MEIS2: variants seen among roughly 807,000 people sequenced by gnomAD.
MEIS2 encodes the protein homeobox protein Meis2.
In MEIS2, 9 loss-of-function variants were observed where a neutral mutation model predicts 58.6. That is an observed-to-expected ratio of 0.15 (90% CI 0.09 to 0.27). The LOEUF (loss-of-function observed/expected upper bound fraction) is 0.27, where lower values mean the gene tolerates loss of function less well. Among genes scored for constraint, MEIS2 ranks in the 10% least tolerant of loss-of-function variants. MEIS2 has a pLI of 1.00. For missense variants in MEIS2, 427 were observed against 635.0 expected (o/e 0.67, Z 3.52); for synonymous variants, 221 against 228.4 (o/e 0.97, Z 0.29).
At chr15:37,048,143 C>T (rs1468064643) in intron 7 of MEIS2, among the ~76,000 whole-genome samples, 3 of 151,958 alleles carry the variant, frequency 2.0e-5, no homozygotes, top group East Asian at 1.9e-4. Flanking sequence ...TACAAAAGGC[C>T]GTTTATATAA....
In MEIS2 at chr15:37,100,506, G is replaced by A. The variant is rs1894973225; in HGVS notation, c.-1040C>T. The A allele has an allele frequency of 6.6e-6, 1 of 151,788 alleles. No individual in the cohort carries two copies. Among genetic ancestry groups the A allele is most frequent in the Admixed American group, 6.6e-5 (1 of 15,228 alleles). 9.4% of individuals were successfully genotyped at this position (151,788 alleles called of 1,614,324 possible). On this transcript the variant is annotated 5_prime_UTR_variant, in exon 1 of 12. Transcript: ENST00000561208. Reference sequence around the variant, plus strand: ...CATCCCGGGAGTGGGGAGCGGGAGCGAGGAGGAGCGCGCCGCGCCGAGCCT... The same window carrying A: ...CATCCCGGGAGTGGGGAGCGGGAGCAAGGAGGAGCGCGCCGCGCCGAGCCT...
chr15:36,944,564 G>T (rs1438202269), intron 9 of MEIS2, among the ~76,000 whole-genome samples: 1 of 152,084 alleles, frequency 6.6e-6, no homozygotes, highest in Non-Finnish European at 1.5e-5. Context: ...CATAGGAAGT[G>T]ATCTGAAAGA....
At chr15:37,019,497 T>C (rs1822529291) in intron 8 of MEIS2, among the ~76,000 whole-genome samples, 1 of 152,232 alleles carries the variant, frequency 6.6e-6, no homozygotes. Context: ...TTGGGAGTAG[T>C]ATTTTGCTAT....
chr15:36,961,279 T>C (rs2059170890), intron 8 of MEIS2, among the ~76,000 whole-genome samples: 1 of 152,146 alleles, frequency 6.6e-6, no homozygotes, highest in Non-Finnish European at 1.5e-5. Context: ...ATCATACCTG[T>C]GAACATGTAT....
Position 37,096,019 on chromosome 15 carries a change from A to G in MEIS2, c.387+270T>C, listed in dbSNP as rs1596132860. 4.7e-5 allele frequency: 20 copies of G among 426,302 alleles called. No homozygotes were observed. The South Asian group carries it at 7.7e-4, about 16-fold the overall frequency. 26.4% of individuals were successfully genotyped at this position (426,302 alleles called of 1,614,324 possible). A position where few individuals can be genotyped will look rare whatever the true frequency, so the allele number is the denominator to read the frequency against. ...TTGTTCAAGTAGCTGGAGGCGGGGG[A>G]AAAAGGCCAAGCCCCAGATTAGGAG... On this transcript the variant is annotated intron_variant, in intron 3 of 11. Coordinates refer to ENST00000561208, the MANE Select transcript of MEIS2 (RefSeq NM_170675.5).
chr15:36,966,302 A>C (rs530413976), intron 8 of MEIS2, among the ~76,000 whole-genome samples: 1 of 152,334 alleles, frequency 6.6e-6, no homozygotes, highest in East Asian at 1.9e-4. Context: ...ACATATAGAA[A>C]TATTTATCAT....
intron 6 of MEIS2, among the ~76,000 whole-genome samples, chr15:37,085,238 A>G (rs192146506): frequency 2.0e-5 from 3 of 152,318 alleles, no homozygotes; most frequent in Admixed American, 2.0e-4. Context: ...TAGAATTGGT[A>G]AATAAGAATT....
At position 36,889,815 on chromosome 15, in the gene MEIS2, CAA is replaced by C. The variant is rs1219703637; in HGVS notation, c.*2356_*2357del. 2 of 152,062 alleles carry C rather than the reference CAA, an allele frequency of 1.3e-5. No individual in the cohort carries two copies. The highest frequency in any genetic ancestry group is 2.9e-5 in the Non-Finnish European group (2 of 67,978). The allele number at this position is 152,062 out of a possible 1,614,324, so 9.4% of individuals were successfully genotyped here. On this transcript the variant is annotated 3_prime_UTR_variant, in exon 12 of 12. Transcript: ENST00000561208. ...AAAATAGGCAAATATTTAAAATTTA[CAA>C]AAAGACTTCATGTAAAATAGAATAG...
Position 36,891,838 on chromosome 15 carries a change from T to A in MEIS2, c.*335A>T, listed in dbSNP as rs2055876013. ...AGTGTGGAAAACAAGGATATATTTT[T>A]TTTTCTCTTCTAAAACTATTTGAGG... On this transcript the variant is annotated 3_prime_UTR_variant, in exon 12 of 12. Transcript: ENST00000561208. 1 of 319,384 alleles carries A rather than the reference T, an allele frequency of 3.1e-6. No homozygotes were observed. Among genetic ancestry groups the A allele is most frequent in the Non-Finnish European group, 5.7e-6 (1 of 174,112 alleles). 19.8% of individuals were successfully genotyped at this position (319,384 alleles called of 1,614,324 possible).
At chr15:36,951,574 C>A (rs578040581) in intron 8 of MEIS2, among the ~76,000 whole-genome samples, 2 of 152,006 alleles carry the variant, frequency 1.3e-5, no homozygotes, top group African/African-American at 2.4e-5. Flanking sequence ...ATCCAAAATG[C>A]GCACAATTAC....
intron 8 of MEIS2, among the ~76,000 whole-genome samples, chr15:36,974,029 T>G (rs1160501283): frequency 6.6e-6 from 1 of 152,232 alleles, no homozygotes; most frequent in African/African-American, 2.4e-5. Flanking sequence ...AGTTCCTATC[T>G]TTGACCTTGA....
chr15:36,915,577 T>A (rs1043941380), intron 9 of MEIS2, among the ~76,000 whole-genome samples: 1 of 152,198 alleles, frequency 6.6e-6, no homozygotes, highest in Non-Finnish European at 1.5e-5. Context: ...CCCACCTATA[T>A]GCTGTCATCT....
At chr15:36,934,214 G>A (rs1378122271) in intron 9 of MEIS2, among the ~76,000 whole-genome samples, 1 of 151,430 alleles carries the variant, frequency 6.6e-6, no homozygotes, top group Non-Finnish European at 1.5e-5. Context: ...TATATGAACA[G>A]TTGAAATTTA....
intron 8 of MEIS2, among the ~76,000 whole-genome samples, chr15:37,026,940 G>A (rs1470491554): frequency 1.3e-5 from 2 of 152,128 alleles, no homozygotes; most frequent in Admixed American, 6.5e-5. Flanking sequence ...TTTGGGACTT[G>A]GCAGTTCAGA....
chr15:37,018,011 C>T lies in MEIS2; in HGVS notation c.900+18803G>A, dbSNP rs575162364. Among the ~76,000 whole-genome samples, 19 of 152,194 alleles carry T rather than the reference C, an allele frequency of 1.2e-4. No homozygotes were observed. In the South Asian group the frequency reaches 3.7e-3, roughly 30 times the overall value. ...GCAGGCAATGTGGTAAGTGCCTGGC[C>T]CATCATTATCTCCTTTGTCCATCCT... On this transcript the variant is annotated intron_variant, in intron 8 of 11. Coordinates refer to ENST00000561208, the MANE Select transcript of MEIS2 (RefSeq NM_170675.5).
intron 6 of MEIS2, among the ~76,000 whole-genome samples, 161 bp from the exon 7 acceptor site, chr15:37,084,046 G>A (rs1892581772): frequency 6.6e-6 from 1 of 152,138 alleles, no homozygotes; most frequent in Admixed American, 6.5e-5. Flanking sequence ...TGTCTTTTTA[G>A]TAATAGGTAT....
chr15:36,933,993 T>C (rs954756212), intron 9 of MEIS2, among the ~76,000 whole-genome samples: 2 of 152,230 alleles, frequency 1.3e-5, no homozygotes, highest in African/African-American at 4.8e-5. Flanking sequence ...ATTAATAAAA[T>C]ATTTGTCAGC....
intron 6 of MEIS2, 105 bp downstream of exon 6, chr15:37,093,476 T>A: frequency 7.5e-7 from 1 of 1,331,830 alleles, no homozygotes; most frequent in Non-Finnish European, 1.0e-6. Flanking sequence ...AGAGACGGAG[T>A]CATTTAAAAA....
At position 37,004,575 on chromosome 15, in the gene MEIS2, G is replaced by A. The variant is rs76017010; in HGVS notation, c.900+32239C>T. ...TCAGCATGCCCCATGTGCCCCATGT[G>A]CTTCAGATTGAGCTGCTTGCTCTTT... On this transcript the variant is annotated intron_variant, in intron 8 of 11. Coordinates refer to ENST00000561208, the MANE Select transcript of MEIS2 (RefSeq NM_170675.5). Among the ~76,000 whole-genome samples the A allele has an allele frequency of 8.5e-3, 1,297 of 152,292 alleles. 7 individuals are homozygous for A. Among genetic ancestry groups the A allele is most frequent in the Non-Finnish European group, 0.014 (967 of 68,022 alleles).
Sources: gnomAD v4.1 joint callset for allele counts (sites outside exome capture counted in the v4.1 genomes callset) on GRCh38, gnomAD v4.1.1 for gene constraint, MANE v1.5 for transcripts, NCBI Gene and HGNC (gene_info 2026-07-23, HGNC 2026-07-21) for gene names.